The following FRMPD3 variants were observed in gnomAD, a reference collection of about 807,000 sequenced individuals.
The protein encoded by FRMPD3 is FERM and PDZ domain-containing protein 3.
In FRMPD3, 42 loss-of-function variants were observed where a neutral mutation model predicts 97.9. The observed-to-expected ratio is 0.43, with a 90% CI of 0.34 to 0.55. The LOEUF (loss-of-function observed/expected upper bound fraction) is 0.55, where lower values mean the gene tolerates loss of function less well. FRMPD3 is among the 20% of genes least tolerant of loss of function. The probability of loss-of-function intolerance (pLI) is 0.03; values close to 1 mark genes in which losing one functional copy is unlikely to be tolerated. For missense variants in FRMPD3, 1,303 were observed against 1,457.7 expected (o/e 0.89, Z 1.73); for synonymous variants, 577 against 581.1 (o/e 0.99, Z 0.10).
At chrX:107,567,335 G>C (rs764966960) in intron 12 of FRMPD3, among the ~76,000 whole-genome samples, 8 of 111,691 alleles carry the variant, frequency 7.2e-5, no homozygotes, top group African/African-American at 2.3e-4. Flanking sequence ...TTAGCATACT[G>C]CCTGGCACAC....
chrX:107,560,328 G>A lies in FRMPD3; in HGVS notation c.834G>A (p.Ala278=), dbSNP rs184794832. The change falls in exon 9 of 15, where the codon GCG becomes GCA. Residue 278 remains alanine (A), a synonymous_variant. Coordinates refer to ENST00000683843, the MANE Select transcript of FRMPD3 (RefSeq NM_001388459.1). ...PKPEMLLGLA[A]LHIYITVSAT... ...CAGAGATGCTTTTGGGCCTTGCTGC[G>A]CTCCACATCTATATCACTGTCTCAG... 2 of 1,206,140 alleles carry A rather than the reference G, an allele frequency of 1.7e-6. No homozygotes were observed. Among genetic ancestry groups the A allele is most frequent in the African/African-American group, 1.8e-5 (1 of 56,465 alleles).
At chrX:107,523,845 GGTA>G (rs1408940226) in intron 1 of FRMPD3, among the ~76,000 whole-genome samples, 2 of 112,275 alleles carry the variant, frequency 1.8e-5, no homozygotes, top group Non-Finnish European at 3.8e-5. Context: ...CTTCAGAAGT[GGTA>G]GTACCTCAAG....
At chrX:107,514,478 G>C (rs1261402271) in intron 1 of FRMPD3, among the ~76,000 whole-genome samples, 1 of 109,891 alleles carries the variant, frequency 9.1e-6, no homozygotes, top group South Asian at 4.0e-4. Context: ...CATGGAGAGG[G>C]AGCGAGCTTG....
intron 4 of FRMPD3, 87 bp from the exon 5 acceptor site, chrX:107,545,650 T>C (rs1265237712): frequency 1.6e-5 from 11 of 688,189 alleles, no homozygotes; most frequent in Admixed American, 2.7e-5. Flanking sequence ...AAAGTGTACC[T>C]GTACTGGGAC....
chrX:107,548,979 G>A, intron 5 of FRMPD3, among the ~76,000 whole-genome samples: 1 of 112,604 alleles, frequency 8.9e-6, no homozygotes, highest in Non-Finnish European at 1.9e-5. Context: ...ATACATATTT[G>A]AGCTGGGTTT....
At chrX:107,495,879 A>G (rs892673578) in intron 1 of FRMPD3, among the ~76,000 whole-genome samples, 2 of 112,628 alleles carry the variant, frequency 1.8e-5, no homozygotes, top group African/African-American at 3.2e-5. Context: ...AAAGTTTGGT[A>G]AATAGTGATA....
At position 107,521,989 on chromosome X, in the gene FRMPD3, G is replaced by A. The variant is rs756313968; in HGVS notation, c.-7-4593G>A. 9.8e-5 allele frequency among the ~76,000 whole-genome samples: 11 copies of A among 112,245 alleles called. No individual in the cohort carries two copies. The South Asian group carries it at 4.2e-3, about 43-fold the overall frequency. On this transcript the variant is annotated intron_variant, in intron 1 of 14. Transcript: ENST00000683843. ...CACATCTGCCTAGCAACAGTTGTTA[G>A]CATGAGCTCGAGCTACCAGTCCCTC... is the stretch of plus-strand genomic sequence containing the variant.
Position 107,489,339 on chromosome X carries a change from T to G in FRMPD3, c.-7-37243T>G, listed in dbSNP as rs779687512. On this transcript the variant is annotated intron_variant, in intron 1 of 14. Coordinates refer to ENST00000683843, the MANE Select transcript of FRMPD3 (RefSeq NM_001388459.1). ...ATAGCAGCATGTTTTATAATCCTCT[T>G]GGTATATACCCAGTAATGGGATGGC... 1.9e-3 allele frequency among the ~76,000 whole-genome samples: 217 copies of G among 111,380 alleles called. 1 individual carries two copies. The highest frequency in any genetic ancestry group is 5.3e-3 in the African/African-American group (161 of 30,598).
At chrX:107,518,809 C>A (rs1432391017) in intron 1 of FRMPD3, among the ~76,000 whole-genome samples, 1 of 112,329 alleles carries the variant, frequency 8.9e-6, no homozygotes, top group African/African-American at 3.2e-5. Flanking sequence ...TTGTTCACAA[C>A]AACCAAAAGG....
intron 7 of FRMPD3, among the ~76,000 whole-genome samples, chrX:107,554,092 C>T (rs1389692702): frequency 1.8e-5 from 2 of 111,629 alleles, no homozygotes; most frequent in Non-Finnish European, 3.8e-5. Flanking sequence ...GCCAGGAGCC[C>T]TCCCTTCCTG....
In FRMPD3 at chrX:107,538,295, A is replaced by T. The variant is rs771943688; in HGVS notation, c.297+4745A>T. On this transcript the variant is annotated intron_variant, in intron 4 of 14. Coordinates refer to ENST00000683843, the MANE Select transcript of FRMPD3 (RefSeq NM_001388459.1). The stretch of plus-strand genomic sequence containing the variant: ...AACGTAACCACCTTAACAAGTCTCC[A>T]TTGACAGATCTTCTCTCTTTAGCTA... 5.4e-5 allele frequency among the ~76,000 whole-genome samples: 6 copies of T among 110,923 alleles called. No homozygotes were observed. The South Asian group carries it at 1.5e-3, about 29-fold the overall frequency.
rs910970968 is a variant in FRMPD3 at position 107,474,887 on chromosome X, G to C, written c.-8+24882G>C. ...GCAATAGATTAAATTGCCCTGGCAG[G>C]GCTGGTGATGGGGATTTTGTGCTCT... On this transcript the variant is annotated intron_variant, in intron 1 of 14. Coordinates refer to ENST00000683843, the MANE Select transcript of FRMPD3 (RefSeq NM_001388459.1). Among the ~76,000 whole-genome samples the C allele has an allele frequency of 2.7e-5, 3 of 112,335 alleles. No individual in the cohort carries two copies. The Admixed American group carries it at 2.8e-4, about 11-fold the overall frequency.
At position 107,600,673 on chromosome X, in the gene FRMPD3, C is replaced by T; in HGVS notation, c.2634C>T (p.His878=). The change falls in exon 15 of 15, where the codon CAC becomes CAT. Residue 878 remains histidine, a synonymous_variant. Coordinates refer to ENST00000683843, the MANE Select transcript of FRMPD3 (RefSeq NM_001388459.1). The part of the protein sequence containing the change: ...QGERTYSLAV[H]PALSPQLSEQ... ...AACGAACATACTCCTTGGCAGTGCA[C>T]CCAGCACTGTCCCCACAGCTTAGTG... 8.3e-7 allele frequency: 1 copy of T among 1,204,644 alleles called. No individual in the cohort carries two copies. The highest frequency in any genetic ancestry group is 1.1e-6 in the Non-Finnish European group (1 of 891,839).
intron 1 of FRMPD3, among the ~76,000 whole-genome samples, chrX:107,480,909 A>AAAG (rs1183841172): frequency 1.2e-4 from 12 of 97,417 alleles, no homozygotes; most frequent in Non-Finnish European, 2.0e-4. Flanking sequence ...AGAAAGAAAG[A>AAAG]AAGAAAGAAA....
chrX:107,524,960 C>T (rs1224439496), intron 1 of FRMPD3, among the ~76,000 whole-genome samples: 1 of 88,910 alleles, frequency 1.1e-5, no homozygotes, highest in African/African-American at 4.6e-5. Context: ...CGTGCCACTG[C>T]ACTCCAGCTG....
Position 107,565,016 on chromosome X carries a change from C to A in FRMPD3, c.1246C>A (p.Arg416=), listed in dbSNP as rs753907921. The change falls in exon 12 of 15, where the codon CGG becomes AGG. Residue 416 remains arginine, a synonymous_variant. Coordinates refer to ENST00000683843, the MANE Select transcript of FRMPD3 (RefSeq NM_001388459.1). ...FSKISKIQLF[R]ENQGVARVET... ...CAAGATCAGCAAGATCCAGCTGTTC[C>A]GGGAGAACCAGGGCGTGGCCCGGGT... 8.3e-7 allele frequency: 1 copy of A among 1,205,086 alleles called. No individual in the cohort carries two copies. The highest frequency in any genetic ancestry group is 2.2e-5 in the Admixed American group (1 of 45,577).
rs746986191 is a variant in FRMPD3, at chrX:107,601,092, C to T, written c.3053C>T (p.Thr1018Ile). 2 of 1,207,611 alleles carry T rather than the reference C, an allele frequency of 1.7e-6. No homozygotes were observed. The highest frequency in any genetic ancestry group is 1.8e-5 in the South Asian group (1 of 56,506). ...AAAATTAGCCCCAGTGCTCCAGAGACCTCATGGAATTCTCAACATCAGCTG... is the reference window on the plus strand; with the variant it reads ...AAAATTAGCCCCAGTGCTCCAGAGATCTCATGGAATTCTCAACATCAGCTG... ...KFKISPSAPE[T>I]SWNSQHQLGA... is the part of the protein sequence containing the mutation. Residue 1018 changes from threonine to isoleucine, a missense_variant, in exon 15 of 15, where the codon ACC becomes ATC. Thr to Ile is a moderately conservative substitution (Grantham distance 89, BLOSUM62 -1). Around this residue, in one of 3 missense-constraint regions of FRMPD3, gnomAD observed 764 missense variants for 820.2 expected, o/e 0.93. Coordinates refer to ENST00000683843, the MANE Select transcript of FRMPD3 (RefSeq NM_001388459.1).
chrX:107,501,048 G>A (rs1921892853), intron 1 of FRMPD3, among the ~76,000 whole-genome samples: 1 of 111,173 alleles, frequency 9.0e-6, no homozygotes, highest in South Asian at 3.8e-4. Context: ...GGGCAATTTA[G>A]CTCCACCCTT....
rs1924289307 is a variant in FRMPD3 at position 107,597,976 on chromosome X, G to GCTT, written c.2100_2102dup (p.Leu701dup). 80 of 1,210,677 alleles carry GCTT rather than the reference G, an allele frequency of 6.6e-5. No individual in the cohort carries two copies. The highest frequency in any genetic ancestry group is 8.9e-5 in the Non-Finnish European group (80 of 895,389). ...AGGAACAAGGACGCCACCTGCGTGG[G>GCTT]CTTCTGTACGATGAGATTCCAGTGA... is the stretch of plus-strand genomic sequence containing the variant. On this transcript the variant is annotated inframe_insertion, in exon 14 of 15. Coordinates refer to ENST00000683843, the MANE Select transcript of FRMPD3 (RefSeq NM_001388459.1).
Sources: gnomAD v4.1 joint callset for allele counts (sites outside exome capture counted in the v4.1 genomes callset) on GRCh38, gnomAD v4.1.1 for gene constraint, gnomAD v4.1.1 regional missense constraint, MANE v1.5 for transcripts, NCBI Gene and HGNC (gene_info 2026-07-23, HGNC 2026-07-21) for gene names.